Variants in TRAF5 observed in about 807,000 individuals in gnomAD.
TRAF5 encodes TNF receptor associated factor 5.
Under a neutral mutation model 64.5 loss-of-function variants are expected in TRAF5, and 48 were observed. That is an observed-to-expected ratio of 0.74 (90% CI 0.59 to 0.95). The LOEUF is 0.95. Among genes scored for constraint, TRAF5 ranks in the 40% least tolerant of loss-of-function variants. The pLI, the probability that TRAF5 is intolerant of heterozygous loss-of-function variation, is 0.00. For synonymous variants in TRAF5, 206 were observed against 240.5 expected (o/e 0.86, Z 1.33); for missense variants, 545 against 662.8 (o/e 0.82, Z 1.95).
At chr1:211,335,302 A>G (rs1702261454) in intron 1 of TRAF5, among the ~76,000 whole-genome samples, 2 of 152,114 alleles carry the variant, frequency 1.3e-5, no homozygotes, top group African/African-American at 4.8e-5. Flanking sequence ...GATGAATAAT[A>G]CAATGAGGGT....
rs1703515652 is a variant in TRAF5 at position 211,371,399 on chromosome 1, G to A, written c.1028G>A (p.Arg343Lys). The change falls in exon 10 of 11, where the codon AGA becomes AAA. Residue 343 changes from arginine (R) to lysine (K), a missense_variant. Physicochemically the swap from Arg to Lys is conservative, Grantham distance 26. Coordinates refer to ENST00000261464, the MANE Select transcript of TRAF5 (RefSeq NM_001033910.3). ...CAGCAACAAAATAAATTTGACCTGA[G>A]ACCTTTGATGGAAGCAGTTGATACA... ...VNQQQNKFDL[R>K]PLMEAVDTVK... The A allele has an allele frequency of 6.2e-7, 1 of 1,611,852 alleles. No individual in the cohort carries two copies. The highest frequency in any genetic ancestry group is 8.5e-7 in the Non-Finnish European group (1 of 1,179,640).
chr1:211,372,155 A>G lies in TRAF5; in HGVS notation c.1127A>G (p.His376Arg), dbSNP rs1487690838. The stretch of plus-strand genomic sequence containing the variant: ...GTTTTAGAAGAGGAAACTAACAAAC[A>G]TGATACCCACATTAATATTCATAAA... ...LAVLEEETNK[H>R]DTHINIHKAQ... is the part of the protein sequence containing the mutation. Residue 376 changes from histidine to arginine, a missense_variant, in exon 11 of 11, where the codon CAT becomes CGT. By Grantham distance (29) the His-to-Arg change is conservative. Transcript: ENST00000261464. The G allele has an allele frequency of 6.2e-7, 1 of 1,606,490 alleles. No individual in the cohort carries two copies. The highest frequency in any genetic ancestry group is 1.1e-5 in the South Asian group (1 of 90,014).
At chr1:211,326,822 C>G, upstream of TRAF5, 1 of 984,376 alleles carries the variant, frequency 1.0e-6, no homozygotes, top group Non-Finnish European at 1.2e-6. The surrounding 1 kb of genome is among the most constrained non-coding windows in gnomAD (Gnocchi z 5.0). Flanking sequence ...CCGCCGCCGC[C>G]GGCCGCAGCC....
intron 1 of TRAF5, among the ~76,000 whole-genome samples, chr1:211,340,784 T>A (rs4951743): frequency 6.6e-6 from 1 of 152,206 alleles, no homozygotes; most frequent in African/African-American, 2.4e-5. Context: ...TCCACATTCT[T>A]ACCACCTGTT....
intron 9 of TRAF5, 78 bp from the exon 10 acceptor site, chr1:211,371,224 G>T: frequency 7.3e-7 from 1 of 1,372,812 alleles, no homozygotes; most frequent in South Asian, 1.5e-5. Flanking sequence ...TGTTTGAATT[G>T]AAAAAAATTT....
chr1:211,361,272 G>T (rs1049765345), intron 7 of TRAF5, 110 bp downstream of exon 7: 3 of 927,376 alleles, frequency 3.2e-6, no homozygotes, highest in Non-Finnish European at 5.0e-6. Context: ...ACAGTTCTGA[G>T]AAATTTAAGG....
intron 1 of TRAF5, among the ~76,000 whole-genome samples, chr1:211,342,305 G>GT (rs1272443057): frequency 6.6e-6 from 1 of 151,856 alleles, no homozygotes; most frequent in Non-Finnish European, 1.5e-5. Flanking sequence ...ATTTTATTTT[G>GT]TTTTTTGATA....
At chr1:211,346,369 A>G (rs1303218201) in intron 1 of TRAF5, 2 of 985,332 alleles carry the variant, frequency 2.0e-6, no homozygotes, top group African/African-American at 1.7e-5. Flanking sequence ...GGATCAGTGC[A>G]GGGATGTGCA....
In TRAF5 at chr1:211,372,148, A is replaced by G; in HGVS notation, c.1120A>G (p.Asn374Asp). 6.3e-7 allele frequency: 1 copy of G among 1,588,918 alleles called. No homozygotes were observed. Among genetic ancestry groups the G allele is most frequent in the Non-Finnish European group, 8.6e-7 (1 of 1,167,656 alleles). The change falls in exon 11 of 11, where the codon AAC becomes GAC. Residue 374 changes from asparagine (N) to aspartate (D), a missense_variant. By Grantham distance (23) the Asn-to-Asp change is conservative. Transcript: ENST00000261464. ...QRLAVLEEET[N>D]KHDTHINIHK... ...TGCAGCCGTTTTAGAAGAGGAAACT[A>G]ACAAACATGATACCCACATTAATAT...
At chr1:211,346,206 A>G (rs1702602425) in intron 1 of TRAF5, among the ~76,000 whole-genome samples, 2 of 152,202 alleles carry the variant, frequency 1.3e-5, no homozygotes, top group Admixed American at 6.5e-5. Flanking sequence ...CCCCTCACCT[A>G]GGCTGTACCA....
rs143408744 is a variant in TRAF5, at chr1:211,337,709, A to C, written c.-2+10820A>C. Among the ~76,000 whole-genome samples the C allele has an allele frequency of 7.7e-3, 1,171 of 152,256 alleles. 10 individuals are homozygous for C. The highest frequency in any genetic ancestry group is 0.031 in the Middle Eastern group (9 of 294). ...GGAGGAGAGGGGGGATATGTTGGGA[A>C]GGAAGATCCCATGGGCTTTGGTGTT... On this transcript the variant is annotated intron_variant, in intron 1 of 10. Coordinates refer to ENST00000261464, the MANE Select transcript of TRAF5 (RefSeq NM_001033910.3).
intron 3 of TRAF5, 100 bp from the exon 4 acceptor site, chr1:211,356,267 C>T (rs1041010510): frequency 5.7e-6 from 5 of 872,728 alleles, no homozygotes; most frequent in Middle Eastern, 2.7e-4. Flanking sequence ...AAGTTTCCAC[C>T]TGCCTTCTGA....
chr1:211,355,755 C>T (rs1475882195), intron 3 of TRAF5, among the ~76,000 whole-genome samples: 1 of 152,154 alleles, frequency 6.6e-6, no homozygotes, highest in Non-Finnish European at 1.5e-5. Context: ...GAGTCTTAAA[C>T]TACTTCAAAA....
intron 9 of TRAF5, 106 bp downstream of exon 9, chr1:211,369,698 C>A: frequency 8.0e-7 from 1 of 1,250,554 alleles, no homozygotes; most frequent in Non-Finnish European, 1.1e-6. Context: ...TACAGAAAAG[C>A]TGTAAGAATA....
intron 1 of TRAF5, among the ~76,000 whole-genome samples, chr1:211,334,638 A>G (rs1558130782): frequency 6.6e-6 from 1 of 152,140 alleles, no homozygotes; most frequent in Non-Finnish European, 1.5e-5. Context: ...AGCCTGGGGG[A>G]CAGAGTGAGA....
intron 1 of TRAF5, among the ~76,000 whole-genome samples, chr1:211,347,912 C>A (rs985347106): frequency 1.3e-5 from 2 of 152,184 alleles, no homozygotes; most frequent in Non-Finnish European, 2.9e-5. Flanking sequence ...TTGAAATTAG[C>A]CATAGTGGAA....
intron 4 of TRAF5, 41 bp from the exon 5 acceptor site, chr1:211,359,871 C>T (rs1703117307): frequency 3.1e-6 from 5 of 1,611,636 alleles, no homozygotes; most frequent in African/African-American, 1.3e-5. Flanking sequence ...TCCTACCACC[C>T]TGGTCAGCAG....
In TRAF5 at chr1:211,373,190, C is replaced by G. The variant is rs1406221682; in HGVS notation, c.*488C>G. 1.3e-5 allele frequency: 2 copies of G among 152,548 alleles called. No homozygotes were observed. Among genetic ancestry groups the G allele is most frequent in the African/African-American group, 4.8e-5 (2 of 41,522 alleles). 9.4% of individuals were successfully genotyped at this position (152,548 alleles called of 1,614,324 possible). On this transcript the variant is annotated 3_prime_UTR_variant, in exon 11 of 11. Transcript: ENST00000261464. ...GTGATGTAGTTACAAAGATAATATG[C>G]TCAGTTTGGACCTTTTTTTCAGTTA...
intron 1 of TRAF5, among the ~76,000 whole-genome samples, chr1:211,331,628 A>T (rs1204685476): frequency 6.6e-6 from 1 of 152,148 alleles, no homozygotes. Flanking sequence ...AATTTAAATT[A>T]AAAACCAGCA....
Sources: allele counts gnomAD v4.1 joint callset (sites outside exome capture counted in the v4.1 genomes callset), GRCh38; gene constraint gnomAD v4.1.1; non-coding constraint Gnocchi (gnomAD v3.1); transcripts MANE v1.5; gene names NCBI Gene and HGNC (gene_info 2026-07-23, HGNC 2026-07-21).